Variants in ANO10 observed in about 807,000 individuals in gnomAD.
The protein encoded by ANO10 is anoctamin-10.
ANO10 carries 77 observed loss-of-function variants against 74.7 expected under a neutral mutation model. The ratio of observed to expected loss-of-function variants is 1.03; its 90% CI spans 0.86 to 1.25. The LOEUF is 1.25. Ranked by LOEUF, ANO10 falls within the 50% of genes most tolerant of loss-of-function variation. ANO10 has a pLI of 0.00. For missense variants in ANO10, 721 were observed against 778.1 expected (o/e 0.93, Z 0.87); for synonymous variants, 279 against 284.9 (o/e 0.98, Z 0.21).
chr3:43,615,610 G>A (rs2083058708), intron 1 of ANO10, among the ~76,000 whole-genome samples: 2 of 151,904 alleles, frequency 1.3e-5, no homozygotes, highest in South Asian at 2.1e-4. Context: ...ACACACTTCA[G>A]TTAAAGCCAA....
chr3:43,437,116 C>T (rs1280233970), intron 11 of ANO10, among the ~76,000 whole-genome samples: 1 of 152,094 alleles, frequency 6.6e-6, no homozygotes, highest in Admixed American at 6.6e-5. Flanking sequence ...AGAAAACAAC[C>T]TCAGGGATTT....
intron 1 of ANO10, among the ~76,000 whole-genome samples, chr3:43,621,044 C>A (rs2083367886): frequency 6.6e-6 from 1 of 152,160 alleles, no homozygotes; most frequent in Non-Finnish European, 1.5e-5. Context: ...TGGATTTAAC[C>A]GCTTTAAACC....
intron 11 of ANO10, among the ~76,000 whole-genome samples, chr3:43,511,692 GTCA>G (rs546759856): frequency 6.6e-6 from 1 of 152,148 alleles, no homozygotes; most frequent in Non-Finnish European, 1.5e-5. Flanking sequence ...GGATCAGAGA[GTCA>G]TGTCTGTAGT....
At chr3:43,584,055 A>G (rs1208887840) in intron 4 of ANO10, among the ~76,000 whole-genome samples, 1 of 152,200 alleles carries the variant, frequency 6.6e-6, no homozygotes, top group Non-Finnish European at 1.5e-5. Context: ...TCATTAGGTT[A>G]TTTGCATGAT....
At chr3:43,580,205 T>C in intron 5 of ANO10, 148 bp downstream of exon 5, 2 of 978,604 alleles carry the variant, frequency 2.0e-6, no homozygotes, top group South Asian at 1.3e-5. Flanking sequence ...TCTTATTCCC[T>C]CCATCAAAAT....
chr3:43,381,069 GA>G (rs2125695558), intron 12 of ANO10, among the ~76,000 whole-genome samples: 1 of 152,238 alleles, frequency 6.6e-6, no homozygotes, highest in Admixed American at 6.5e-5. Flanking sequence ...GATCTCATGA[GA>G]ACTCACCCGC....
chr3:43,466,393 A>AAAAG (rs71083072), intron 11 of ANO10, among the ~76,000 whole-genome samples: 2 of 9,810 alleles, frequency 2.0e-4, no homozygotes, highest in East Asian at 0.043. Context: ...AAAAACAAAC[A>AAAAG]AAAAAACCAG....
chr3:43,681,968 G>A (rs2084207858), intron 1 of ANO10, among the ~76,000 whole-genome samples: 1 of 152,144 alleles, frequency 6.6e-6, no homozygotes, highest in African/African-American at 2.4e-5. Flanking sequence ...ATGCCCACAA[G>A]AGAAAGCAGG....
intron 1 of ANO10, among the ~76,000 whole-genome samples, chr3:43,614,992 C>T (rs1279824480): frequency 6.6e-6 from 1 of 150,934 alleles, no homozygotes; most frequent in Non-Finnish European, 1.5e-5. Context: ...TACTGAGATA[C>T]AGACCCAACT....
intron 11 of ANO10, among the ~76,000 whole-genome samples, chr3:43,516,578 A>C (rs2077720263): frequency 6.6e-6 from 1 of 152,200 alleles, no homozygotes; most frequent in Non-Finnish European, 1.5e-5. Flanking sequence ...TATAGTCAGA[A>C]CCGTGCTTCA....
chr3:43,416,381 G>A (rs1408906153), intron 12 of ANO10, among the ~76,000 whole-genome samples: 1 of 152,156 alleles, frequency 6.6e-6, no homozygotes, highest in African/African-American at 2.4e-5. Context: ...CAGTTAGTTG[G>A]CAGATAGTAA....
At chr3:43,629,464 G>A (rs2083525259) in intron 1 of ANO10, among the ~76,000 whole-genome samples, 1 of 152,100 alleles carries the variant, frequency 6.6e-6, no homozygotes, top group African/African-American at 2.4e-5. Flanking sequence ...GAGTCACTGG[G>A]GAATTCTGAG....
In ANO10 at chr3:43,657,918, A is replaced by T. The variant is rs530241628; in HGVS notation, c.-12+33599T>A. On this transcript the variant is annotated intron_variant, in intron 1 of 3. Coordinates refer to the ANO10 transcript ENST00000413397. ...AAACTTAAAGATCTCAAAAAGTTAT[A>T]TAGCCCTTAATTCTTTCTTTTAAGA... Among the ~76,000 whole-genome samples the T allele has an allele frequency of 2.6e-5, 4 of 152,366 alleles. No individual in the cohort carries two copies. The East Asian group carries it at 7.7e-4, about 29-fold the overall frequency.
intron 11 of ANO10, among the ~76,000 whole-genome samples, chr3:43,452,364 C>A (rs2074917123): frequency 6.6e-6 from 1 of 152,184 alleles, no homozygotes; most frequent in Non-Finnish European, 1.5e-5. Flanking sequence ...CCGTAGGCAA[C>A]CACCAGTCTA....
intron 11 of ANO10, among the ~76,000 whole-genome samples, chr3:43,457,654 AC>A (rs2075191188): frequency 6.6e-6 from 1 of 152,204 alleles, no homozygotes; most frequent in Non-Finnish European, 1.5e-5. Flanking sequence ...GGGTGGGAAC[AC>A]AGAGCCAAAC....
At chr3:43,455,379 G>A (rs2075079866) in intron 11 of ANO10, among the ~76,000 whole-genome samples, 2 of 152,178 alleles carry the variant, frequency 1.3e-5, no homozygotes, top group Non-Finnish European at 2.9e-5. Context: ...GTGGGAGGCT[G>A]AGATCAGAAG....
At chr3:43,387,362 C>CTCAGTGGAAG (rs2092152054) in intron 12 of ANO10, among the ~76,000 whole-genome samples, 1 of 152,162 alleles carries the variant, frequency 6.6e-6, no homozygotes, top group African/African-American at 2.4e-5. Context: ...GCTGTAATTG[C>CTCAGTGGAAG]CCCTTATCAC....
At chr3:43,644,218 G>A (rs1312376118) in intron 1 of ANO10, among the ~76,000 whole-genome samples, 1 of 152,048 alleles carries the variant, frequency 6.6e-6, no homozygotes, top group African/African-American at 2.4e-5. Context: ...GGTCCATTTG[G>A]GATTTATTTT....
intron 12 of ANO10, among the ~76,000 whole-genome samples, chr3:43,395,687 T>A (rs2092364270): frequency 6.6e-6 from 1 of 152,168 alleles, no homozygotes; most frequent in African/African-American, 2.4e-5. Context: ...GTCTTCCAAT[T>A]GTGTTCTTCT....
Sources: allele counts gnomAD v4.1 joint callset (sites outside exome capture counted in the v4.1 genomes callset), GRCh38; gene constraint gnomAD v4.1.1; transcripts MANE v1.5; gene names NCBI Gene and HGNC (gene_info 2026-07-23, HGNC 2026-07-21).